Variants in PCYT1B observed in about 807,000 individuals in gnomAD.
PCYT1B encodes phosphate cytidylyltransferase 1B, choline, also known as choline-phosphate cytidylyltransferase B.
Under a neutral mutation model 26.4 loss-of-function variants are expected in PCYT1B, and 10 were observed. The observed-to-expected ratio is 0.38, with a 90% CI of 0.23 to 0.64. PCYT1B has a LOEUF of 0.64. Ranked by LOEUF, PCYT1B falls within the 30% of genes least tolerant of loss-of-function variation. The pLI is 0.56. For synonymous variants in PCYT1B, 131 were observed against 108.4 expected, an observed-to-expected ratio of 1.21 and a Z score of -1.29; for missense variants, 161 against 292.7, an observed-to-expected ratio of 0.55 and a Z score of 3.28.
intron 1 of PCYT1B, among the ~76,000 whole-genome samples, chrX:24,627,395 G>A (rs759877367): frequency 9.0e-5 from 10 of 111,240 alleles, no homozygotes; most frequent in Non-Finnish European, 1.1e-4. Flanking sequence ...GTGCAGTGGC[G>A]CGATCTCGGC....
At chrX:24,658,506 CTTTTTTTTTTT>C (rs1203809740) in intron 1 of PCYT1B, among the ~76,000 whole-genome samples, 4 of 58,840 alleles carry the variant, frequency 6.8e-5, no homozygotes, top group African/African-American at 1.2e-4. Flanking sequence ...TGTTTCATTG[CTTTTTTTTTTT>C]TTTTTTTTTT....
At chrX:24,577,940 A>T (rs899867638) in intron 6 of PCYT1B, among the ~76,000 whole-genome samples, 1 of 111,021 alleles carries the variant, frequency 9.0e-6, no homozygotes, top group African/African-American at 3.3e-5. Context: ...TGCTTATTTT[A>T]AAGATTGTTT....
In PCYT1B at chrX:24,562,172, G is replaced by A. The variant is rs1428400272; in HGVS notation, c.*121C>T. On this transcript the variant is annotated 3_prime_UTR_variant, in exon 8 of 8. Coordinates refer to ENST00000379144, the MANE Select transcript of PCYT1B (RefSeq NM_004845.5). ...CAAGACCTTCCCTTAGCAGAGTTCA[G>A]GGTCTCTCTGCTGAGCTGCAGCTCC... is the stretch of plus-strand genomic sequence containing the variant. The A allele has an allele frequency of 2.9e-5, 35 of 1,200,534 alleles. No individual in the cohort carries two copies. Among genetic ancestry groups the A allele is most frequent in the Non-Finnish European group, 3.7e-5 (33 of 889,416 alleles).
intron 1 of PCYT1B, among the ~76,000 whole-genome samples, chrX:24,670,072 G>GAA (rs1451333280): frequency 2.6e-4 from 18 of 70,185 alleles, no homozygotes; most frequent in African/African-American, 1.0e-3. Flanking sequence ...AAGAAAGAAA[G>GAA]AAAGAAAGAA....
intron 5 of PCYT1B, 126 bp downstream of exon 5, chrX:24,587,115 G>A: frequency 2.1e-6 from 1 of 480,314 alleles, no homozygotes; most frequent in Non-Finnish European, 3.7e-6. Flanking sequence ...GAAGCCGCCT[G>A]GGGGACACCT....
chrX:24,620,745 T>C (rs1602186460), intron 1 of PCYT1B, among the ~76,000 whole-genome samples: 1 of 112,362 alleles, frequency 8.9e-6, no homozygotes, highest in African/African-American at 3.2e-5. Flanking sequence ...CTTTTAAGAC[T>C]ACCCTGGAAC....
chrX:24,602,354 T>C (rs1321816824), intron 3 of PCYT1B, among the ~76,000 whole-genome samples: 1 of 111,997 alleles, frequency 8.9e-6, no homozygotes, highest in Non-Finnish European at 1.9e-5. Flanking sequence ...GATGAATAGG[T>C]AGAGCATATA....
chrX:24,621,682 A>G (rs1208432537), intron 1 of PCYT1B: 3 of 127,394 alleles, frequency 2.4e-5, no homozygotes, highest in African/African-American at 9.7e-5. Flanking sequence ...CACAACCCAA[A>G]TGGATAAATG....
At chrX:24,605,243 C>A (rs1925086881) in intron 3 of PCYT1B, among the ~76,000 whole-genome samples, 1 of 111,514 alleles carries the variant, frequency 9.0e-6, no homozygotes, top group Non-Finnish European at 1.9e-5. Context: ...ATACACAAAT[C>A]AAAAAACTAA....
At chrX:24,666,606 A>AGT (rs3859985) in intron 1 of PCYT1B, among the ~76,000 whole-genome samples, 5,978 of 100,791 alleles carry the variant, frequency 0.059, 143 homozygotes, top group Non-Finnish European at 0.073. Flanking sequence ...TATGTGTGTG[A>AGT]GTGTGTGTGT....
chrX:24,629,696 A>G (rs749456006), intron 1 of PCYT1B, among the ~76,000 whole-genome samples: 7 of 108,763 alleles, frequency 6.4e-5, no homozygotes, highest in Admixed American at 5.1e-4. Flanking sequence ...CTTAGTACAT[A>G]CTGCCCTTTT....
chrX:24,607,373 A>T (rs1052188730), intron 3 of PCYT1B, among the ~76,000 whole-genome samples: 1 of 112,407 alleles, frequency 8.9e-6, no homozygotes, highest in African/African-American at 3.2e-5. Context: ...AACTCCCTTT[A>T]GTTCTTTGAG....
chrX:24,611,979 A>C (rs1235546329), intron 2 of PCYT1B, among the ~76,000 whole-genome samples: 1 of 111,854 alleles, frequency 8.9e-6, no homozygotes, highest in Admixed American at 9.5e-5. Context: ...GTCAAAAAAA[A>C]ACAAAAACAA....
intron 1 of PCYT1B, among the ~76,000 whole-genome samples, chrX:24,644,718 C>T (rs896229139): frequency 9.0e-6 from 1 of 110,708 alleles, no homozygotes; most frequent in Non-Finnish European, 1.9e-5. Context: ...GCCAGCTTTG[C>T]GTGGTTCTTG....
intron 1 of PCYT1B, chrX:24,672,553 G>GA (rs1318962059): frequency 1.7e-6 from 2 of 1,183,528 alleles, no homozygotes; most frequent in Non-Finnish European, 2.3e-6. Flanking sequence ...AAATCAATAA[G>GA]AAAGTATTCA....
chrX:24,585,923 A>G (rs1924357960), intron 5 of PCYT1B, among the ~76,000 whole-genome samples: 1 of 110,891 alleles, frequency 9.0e-6, no homozygotes, highest in Non-Finnish European at 1.9e-5. Context: ...ATTTGGTTCC[A>G]TGTAACTTCA....
chrX:24,668,929 T>C (rs754428051), intron 1 of PCYT1B, among the ~76,000 whole-genome samples: 1 of 111,337 alleles, frequency 9.0e-6, no homozygotes, highest in Non-Finnish European at 1.9e-5. Context: ...TGCTTAAAAA[T>C]CTTTGGTCTC....
At chrX:24,670,418 C>T (rs748396236) in intron 1 of PCYT1B, among the ~76,000 whole-genome samples, 1 of 112,326 alleles carries the variant, frequency 8.9e-6, no homozygotes, top group Non-Finnish European at 1.9e-5. Flanking sequence ...AGTAACTCCA[C>T]CAGCAGTAAC....
At chrX:24,591,432 ATT>A (rs1233546224) in intron 3 of PCYT1B, among the ~76,000 whole-genome samples, 1 of 108,542 alleles carries the variant, frequency 9.2e-6, no homozygotes, top group Non-Finnish European at 1.9e-5. Flanking sequence ...AAATTCACTA[ATT>A]TTTTTTTGAG....
Sources: gnomAD v4.1 joint callset for allele counts (sites outside exome capture counted in the v4.1 genomes callset) on GRCh38, gnomAD v4.1.1 for gene constraint, MANE v1.5 for transcripts, NCBI Gene and HGNC (gene_info 2026-07-23, HGNC 2026-07-21) for gene names.